The following REEP1 variants were observed in gnomAD, a reference collection of about 807,000 sequenced individuals.
REEP1 encodes receptor expression-enhancing protein 1.
A neutral mutation model predicts 40.3 loss-of-function variants in REEP1; 22 were observed. The ratio of observed to expected loss-of-function variants is 0.55; its 90% CI spans 0.39 to 0.78. The LOEUF (loss-of-function observed/expected upper bound fraction) is 0.78, where lower values mean the gene tolerates loss of function less well. REEP1 is among the 30% of genes least tolerant of loss of function. The probability of loss-of-function intolerance (pLI) is 0.00; values close to 1 mark genes in which losing one functional copy is unlikely to be tolerated. For missense variants in REEP1, 280 were observed against 361.1 expected, an observed-to-expected ratio of 0.78 and a Z score of 1.82; for synonymous variants, 116 against 139.2, an observed-to-expected ratio of 0.83 and a Z score of 1.17.
At chr2:86,270,212 T>TTTGC (rs1365170294) in intron 2 of REEP1, among the ~76,000 whole-genome samples, 14 of 149,020 alleles carry the variant, frequency 9.4e-5, no homozygotes, top group African/African-American at 3.2e-4. Context: ...TGTTTGTTTG[T>TTTGC]TGAGATGGAG....
intron 5 of REEP1, among the ~76,000 whole-genome samples, chr2:86,236,623 C>T (rs1361249394): frequency 2.0e-5 from 3 of 152,020 alleles, no homozygotes; most frequent in Non-Finnish European, 4.4e-5. Flanking sequence ...CCAGCCCGGG[C>T]AACATAGGTA....
chr2:86,263,737 C>A (rs550693169), intron 3 of REEP1, among the ~76,000 whole-genome samples: 3 of 152,270 alleles, frequency 2.0e-5, no homozygotes, highest in South Asian at 2.1e-4. Context: ...ATGACTATAT[C>A]CCCAGGGCTT....
At chr2:86,258,997 C>T (rs1413091639) in intron 3 of REEP1, among the ~76,000 whole-genome samples, 3 of 152,190 alleles carry the variant, frequency 2.0e-5, no homozygotes, top group Non-Finnish European at 2.9e-5. Flanking sequence ...AAAGAAAACA[C>T]AAGTAACTTT....
At chr2:86,316,803 G>A (rs1680035877) in intron 1 of REEP1, among the ~76,000 whole-genome samples, 1 of 152,120 alleles carries the variant, frequency 6.6e-6, no homozygotes, top group Non-Finnish European at 1.5e-5. Context: ...AGGTTGCAGT[G>A]GGCCGAGATC....
intron 1 of REEP1, among the ~76,000 whole-genome samples, chr2:86,327,566 T>A (rs1192906892): frequency 2.5e-5 from 3 of 120,074 alleles, no homozygotes; most frequent in African/African-American, 1.1e-4. Flanking sequence ...TGGTCTATCT[T>A]ACTTTTTTTT....
chr2:86,285,672 G>T (rs1207943768), intron 1 of REEP1, among the ~76,000 whole-genome samples: 1 of 152,222 alleles, frequency 6.6e-6, no homozygotes, highest in Non-Finnish European at 1.5e-5. Context: ...TGCTGGCTGA[G>T]TCTGTCTCCC....
chr2:86,329,161 G>A (rs576223834), intron 1 of REEP1, among the ~76,000 whole-genome samples: 11 of 152,284 alleles, frequency 7.2e-5, no homozygotes, highest in East Asian at 1.9e-4. Flanking sequence ...TCCTCTCAAC[G>A]TTCAGATGCT....
chr2:86,296,522 GA>G (rs1455851071), intron 1 of REEP1, among the ~76,000 whole-genome samples: 1 of 152,218 alleles, frequency 6.6e-6, no homozygotes, highest in Non-Finnish European at 1.5e-5. Flanking sequence ...TGGCTTTGCT[GA>G]GGAAATACTT....
In REEP1 at chr2:86,219,237, T is replaced by C. The variant is rs555847330; in HGVS notation, c.783+733A>G. On this transcript the variant is annotated intron_variant, in intron 8 of 8. Coordinates refer to ENST00000538924, the MANE Select transcript of REEP1 (RefSeq NM_001371279.1). Reference sequence around the variant, plus strand: ...CTACTTTATACCAGGCACTATATGCTGTGTCTTGGAGATACAGCGATGAAC... The same window carrying C: ...CTACTTTATACCAGGCACTATATGCCGTGTCTTGGAGATACAGCGATGAAC... Among the ~76,000 whole-genome samples the C allele has an allele frequency of 2.6e-5, 4 of 152,358 alleles. No individual in the cohort carries two copies. The East Asian group carries it at 7.7e-4, about 29-fold the overall frequency.
chr2:86,284,557 A>G (rs1428908016), intron 1 of REEP1, among the ~76,000 whole-genome samples: 2 of 152,242 alleles, frequency 1.3e-5, no homozygotes, highest in Non-Finnish European at 2.9e-5. Flanking sequence ...CTGATTCAGC[A>G]AAGCCTCGGG....
At chr2:86,293,010 T>G (rs1440523528) in intron 1 of REEP1, among the ~76,000 whole-genome samples, 1 of 152,204 alleles carries the variant, frequency 6.6e-6, no homozygotes, top group African/African-American at 2.4e-5. Flanking sequence ...AGAAGTCAGG[T>G]GAGGCAACTA....
intron 5 of REEP1, among the ~76,000 whole-genome samples, chr2:86,244,640 G>A (rs1675833602): frequency 6.6e-6 from 1 of 152,156 alleles, no homozygotes; most frequent in Non-Finnish European, 1.5e-5. Context: ...AGCTCCTGGT[G>A]AACCTTATAT....
intron 1 of REEP1, among the ~76,000 whole-genome samples, chr2:86,327,646 C>A (rs574412643): frequency 9.5e-4 from 144 of 151,258 alleles, no homozygotes; most frequent in Non-Finnish European, 1.6e-3. Flanking sequence ...CGGCTCACTG[C>A]AAGCTCTGCC....
intron 1 of REEP1, among the ~76,000 whole-genome samples, chr2:86,295,112 T>G (rs114659970): frequency 1.9e-4 from 29 of 152,158 alleles, no homozygotes; most frequent in Non-Finnish European, 2.8e-4. Context: ...AAATTTAAAT[T>G]CTGAGAGAAT....
intron 1 of REEP1, among the ~76,000 whole-genome samples, chr2:86,312,029 C>T (rs1213351646): frequency 6.6e-6 from 1 of 152,096 alleles, no homozygotes. Flanking sequence ...CCAATGCAGC[C>T]CTCTCTTTTC....
At chr2:86,313,826 C>T (rs1333197526) in intron 1 of REEP1, among the ~76,000 whole-genome samples, 1 of 152,198 alleles carries the variant, frequency 6.6e-6, no homozygotes, top group Non-Finnish European at 1.5e-5. Flanking sequence ...AGCAGCCACC[C>T]CTCAGCTTGG....
intron 7 of REEP1, among the ~76,000 whole-genome samples, chr2:86,225,759 G>A (rs148604126): frequency 3.9e-5 from 6 of 152,332 alleles, no homozygotes; most frequent in Non-Finnish European, 5.9e-5. Flanking sequence ...GGCACCTTGC[G>A]TGCCTTCCTT....
chr2:86,335,588 C>T (rs1187339337), intron 1 of REEP1, among the ~76,000 whole-genome samples: 1 of 152,154 alleles, frequency 6.6e-6, no homozygotes, highest in Non-Finnish European at 1.5e-5. Context: ...TGGTAGCTCA[C>T]GCCTGTAATC....
intron 2 of REEP1, among the ~76,000 whole-genome samples, chr2:86,265,812 G>A (rs1230926938): frequency 3.9e-5 from 6 of 152,120 alleles, no homozygotes; most frequent in African/African-American, 1.4e-4. Context: ...GGGGATGAGG[G>A]ATGAGAAACT....
Sources: allele counts gnomAD v4.1 joint callset (sites outside exome capture counted in the v4.1 genomes callset), GRCh38; gene constraint gnomAD v4.1.1; transcripts MANE v1.5; gene names NCBI Gene and HGNC (gene_info 2026-07-23, HGNC 2026-07-21).